RCCD1: variants seen among roughly 807,000 people sequenced by gnomAD.
RCCD1 encodes RCC1 domain-containing protein 1.
RCCD1 carries 40 observed loss-of-function variants against 37.6 expected under a neutral mutation model. The observed-to-expected ratio is 1.06, with a 90% CI of 0.83 to 1.39. RCCD1 has a LOEUF of 1.39. Ranked by LOEUF, RCCD1 falls within the 40% of genes most tolerant of loss-of-function variation. The pLI is 0.00. For synonymous variants in RCCD1, 263 were observed against 230.0 expected, an observed-to-expected ratio of 1.14 and a Z score of -1.30; for missense variants, 577 against 517.3, an observed-to-expected ratio of 1.12 and a Z score of -1.12.
At chr15:90,955,131 G>T (rs1006442269) in intron 1 of RCCD1, 183 bp downstream of exon 1, 7 of 151,974 alleles carry the variant, frequency 4.6e-5, no homozygotes, top group African/African-American at 1.4e-4. Flanking sequence ...CAGGGCCTTG[G>T]TCCAACGCCC....
intron 1 of RCCD1, 132 bp from the exon 2 acceptor site, chr15:90,956,480 G>T (rs1316332797): frequency 1.9e-5 from 7 of 376,292 alleles, no homozygotes; most frequent in Non-Finnish European, 2.8e-5. Flanking sequence ...GGAGGACAGG[G>T]AAAGTGCCTC....
At chr15:90,960,519 C>G (rs973623062) in intron 6 of RCCD1, 21 bp downstream of exon 6, 1 of 1,594,812 alleles carries the variant, frequency 6.3e-7, no homozygotes, top group Non-Finnish European at 8.5e-7. Flanking sequence ...CTGGGAGGCA[C>G]TCTGCTCCAC....
intron 1 of RCCD1, among the ~76,000 whole-genome samples, chr15:90,956,048 A>G (rs989237765): frequency 1.3e-5 from 2 of 152,168 alleles, no homozygotes; most frequent in Non-Finnish European, 2.9e-5. Flanking sequence ...CAATTCTGTG[A>G]GGAAGGTTCA....
rs1351074506 is a variant in RCCD1, at chr15:90,962,452, T to C, written c.*683T>C. 2.0e-5 allele frequency: 3 copies of C among 152,358 alleles called. No homozygotes were observed. Among genetic ancestry groups the C allele is most frequent in the African/African-American group, 7.2e-5 (3 of 41,580 alleles). 9.4% of individuals were successfully genotyped at this position (152,358 alleles called of 1,614,324 possible). On this transcript the variant is annotated 3_prime_UTR_variant, in exon 8 of 8. Coordinates refer to ENST00000394258, the MANE Select transcript of RCCD1 (RefSeq NM_001017919.2). ...TTCCTTTGCAGAACATTGAGTTGAATTGCTAAGTCAGGAGATACCTTTAAT... is the reference window on the plus strand; with the variant it reads ...TTCCTTTGCAGAACATTGAGTTGAACTGCTAAGTCAGGAGATACCTTTAAT...
chr15:90,957,375 C>T lies in RCCD1; in HGVS notation c.429C>T (p.Tyr143=), dbSNP rs1033431389. Residue 143 remains tyrosine, a synonymous_variant, in exon 3 of 8, where the codon TAC becomes TAT. Transcript: ENST00000394258. ...CCCTGCTGCCCTGCGCCCGTGCCTACGTGAGCCCGCGGGCGCCCTTCTACC... is the reference window on the plus strand; with the variant it reads ...CCCTGCTGCCCTGCGCCCGTGCCTATGTGAGCCCGCGGGCGCCCTTCTACC... ...RLPLLPCARA[Y]VSPRAPFYRP... is the part of the protein sequence containing the mutation. 9 of 1,544,780 alleles carry T rather than the reference C, an allele frequency of 5.8e-6. No homozygotes were observed. In the Admixed American group the frequency reaches 9.8e-5, roughly 17 times the overall value.
chr15:90,960,309 CATT>C lies in RCCD1; in HGVS notation c.779-13_779-11del, dbSNP rs771895519. 6.2e-5 allele frequency: 98 copies of C among 1,583,410 alleles called. No individual in the cohort carries two copies. In the East Asian group the frequency reaches 8.3e-4, roughly 13 times the overall value. The stretch of plus-strand genomic sequence containing the variant: ...CTCAGGGCTCAGTTGGTGTTCACAT[CATT>C]ATTATCATTCTGAAGCCACAGAACT... On this transcript the variant is annotated splice_polypyrimidine_tract_variant and intron_variant, in intron 5 of 7. Transcript: ENST00000394258.
At position 90,961,986 on chromosome 15, in the gene RCCD1, TCAATGAAA is replaced by T; in HGVS notation, c.*227_*234del. ...GTCAGCATCAATCAAAACAATGAAA[TCAATGAAA>T]CAATGAAACCAGAGCTTCTAGGTGT... On this transcript the variant is annotated 3_prime_UTR_variant, in exon 8 of 8. Transcript: ENST00000394258. The T allele has an allele frequency of 2.8e-6, 1 of 362,478 alleles. No individual in the cohort carries two copies. The highest frequency in any genetic ancestry group is 6.7e-5 in the South Asian group (1 of 14,850). The allele number at this position is 362,478 out of a possible 1,614,324, so 22.5% of individuals were successfully genotyped here. A position where few individuals can be genotyped will look rare whatever the true frequency, so the allele number is the denominator to read the frequency against.
In RCCD1 at chr15:90,956,758, C is replaced by T. The variant is rs1421400834; in HGVS notation, c.24C>T (p.Ala8=). The part of the protein sequence containing the change: MAEERPG[A]WFGFGFCGFG... ...GCATGGCGGAGGAGCGGCCGGGGGC[C>T]TGGTTCGGCTTCGGTTTCTGCGGCT... is the stretch of plus-strand genomic sequence containing the variant. The change falls in exon 2 of 8, where the codon GCC becomes GCT. Residue 8 remains alanine (A), a synonymous_variant. Coordinates refer to ENST00000394258, the MANE Select transcript of RCCD1 (RefSeq NM_001017919.2). 2 of 1,328,778 alleles carry T rather than the reference C, an allele frequency of 1.5e-6. No homozygotes were observed. Among genetic ancestry groups the T allele is most frequent in the Non-Finnish European group, 9.6e-7 (1 of 1,039,264 alleles). 82.3% of individuals were successfully genotyped at this position (1,328,778 alleles called of 1,614,324 possible).
chr15:90,960,130 G>A (rs555101844), intron 5 of RCCD1, 132 bp downstream of exon 5: 1 of 932,636 alleles, frequency 1.1e-6, no homozygotes, highest in Non-Finnish European at 1.6e-6. Context: ...AGGGAGCATT[G>A]GCAAGGCTGA....
At position 90,962,512 on chromosome 15, in the gene RCCD1, G is replaced by T. The variant is rs1012867343; in HGVS notation, c.*743G>T. 2.6e-5 allele frequency: 4 copies of T among 152,196 alleles called. No individual in the cohort carries two copies. The highest frequency in any genetic ancestry group is 4.8e-5 in the African/African-American group (2 of 41,438). 9.4% of individuals were successfully genotyped at this position (152,196 alleles called of 1,614,324 possible). ...TAACTGTTGCCCCCAGCAGGGTGGGGTCTACTGTGGCTAAAATGTCAGGTA... is the reference window on the plus strand; with the variant it reads ...TAACTGTTGCCCCCAGCAGGGTGGGTTCTACTGTGGCTAAAATGTCAGGTA... On this transcript the variant is annotated 3_prime_UTR_variant, in exon 8 of 8. Transcript: ENST00000394258.
intron 7 of RCCD1, 123 bp downstream of exon 7, chr15:90,961,177 G>A: frequency 1.1e-6 from 1 of 900,058 alleles, no homozygotes; most frequent in Non-Finnish European, 1.8e-6. Flanking sequence ...TCACTGGGAG[G>A]AACAGGACTG....
intron 7 of RCCD1, 114 bp downstream of exon 7, chr15:90,961,168 C>A: frequency 9.7e-7 from 1 of 1,036,074 alleles, no homozygotes; most frequent in Non-Finnish European, 1.5e-6. Context: ...TCGGCCAGGT[C>A]ACTGGGAGGA....
At position 90,956,713 on chromosome 15, in the gene RCCD1, CG is replaced by C. The variant is rs2037201100; in HGVS notation, c.-20del. ...GGGCCCGCCGCAGCCAGGCGGCGGC[CG>C]GCAGAGGGCGCTGCTCGGGCATGGC... On this transcript the variant is annotated 5_prime_UTR_variant, in exon 2 of 8. Transcript: ENST00000394258. The C allele has an allele frequency of 1.6e-6, 2 of 1,273,114 alleles. No homozygotes were observed. 78.9% of individuals were successfully genotyped at this position (1,273,114 alleles called of 1,614,324 possible).
intron 1 of RCCD1, 127 bp downstream of exon 1, chr15:90,955,075 C>T (rs2037139441): frequency 6.6e-6 from 1 of 152,392 alleles, no homozygotes; most frequent in Non-Finnish European, 1.5e-5. Flanking sequence ...AGGGGCGGGA[C>T]CACCTGGCCC....
intron 3 of RCCD1, 47 bp from the exon 4 acceptor site, chr15:90,957,557 G>A (rs751611051): frequency 1.9e-6 from 3 of 1,611,584 alleles, no homozygotes; most frequent in African/African-American, 1.3e-5. Context: ...CAAGCGGAGC[G>A]GGACCCCTTA....
In RCCD1 at chr15:90,957,522, A is replaced by C; in HGVS notation, c.557+19A>C. On this transcript the variant is annotated intron_variant, in intron 3 of 7. Transcript: ENST00000394258. The stretch of plus-strand genomic sequence containing the variant: ...GGGGCAGGTGAGCGGAGGCGGGGGC[A>C]GGTGAGGGCTGCTGATTGGAGAAGC... 1 of 1,591,282 alleles carries C rather than the reference A, an allele frequency of 6.3e-7. No homozygotes were observed.
At chr15:90,960,148 C>G (rs2037284898) in intron 5 of RCCD1, 150 bp downstream of exon 5, 1 of 908,666 alleles carries the variant, frequency 1.1e-6, no homozygotes, top group South Asian at 1.6e-5. Context: ...TGATGCCGGT[C>G]TTGGCACAAC....
chr15:90,961,478 C>T (rs2037313064), intron 7 of RCCD1, 140 bp from the exon 8 acceptor site: 1 of 1,026,968 alleles, frequency 9.7e-7, no homozygotes, highest in Non-Finnish European at 1.4e-6. Context: ...CCCAAGGTTG[C>T]CTGGCTCTGG....
At chr15:90,956,959 G>C (rs2037208882) in intron 2 of RCCD1, 59 bp downstream of exon 2, 1 of 1,265,852 alleles carries the variant, frequency 7.9e-7, no homozygotes, top group Middle Eastern at 2.1e-4. Context: ...TCGCCTCCCC[G>C]CACCGCTGTG....
Sources: gnomAD v4.1 joint callset for allele counts (sites outside exome capture counted in the v4.1 genomes callset) on GRCh38, gnomAD v4.1.1 for gene constraint, MANE v1.5 for transcripts, NCBI Gene and HGNC (gene_info 2026-07-23, HGNC 2026-07-21) for gene names.